Variants in TBC1D5 observed in about 807,000 individuals in gnomAD.
TBC1D5 encodes the protein TBC1 domain family, member 5.
Under a neutral mutation model 100.3 loss-of-function variants are expected in TBC1D5, and 75 were observed. The observed-to-expected ratio is 0.75, with a 90% confidence interval of 0.62 to 0.91. The LOEUF is 0.91. TBC1D5 is among the 40% of genes least tolerant of loss of function. The probability of loss-of-function intolerance (pLI) is 0.00; values close to 1 mark genes in which losing one functional copy is unlikely to be tolerated. For synonymous variants in TBC1D5, 323 were observed against 325.6 expected (o/e 0.99, Z 0.09); for missense variants, 910 against 942.4 (o/e 0.97, Z 0.45).
chr3:17,266,935 G>A (rs1322027298), intron 15 of TBC1D5, among the ~76,000 whole-genome samples: 1 of 151,572 alleles, frequency 6.6e-6, no homozygotes, highest in Non-Finnish European at 1.5e-5. Context: ...AAAAAAAAAG[G>A]AAGCAAAAAC....
At chr3:17,345,297 C>T (rs1367886236) in intron 13 of TBC1D5, among the ~76,000 whole-genome samples, 1 of 152,202 alleles carries the variant, frequency 6.6e-6, no homozygotes, top group Admixed American at 6.5e-5. Flanking sequence ...GACATTTATG[C>T]AGCCAAAAGA....
At chr3:17,472,947 C>A (rs1229310601) in intron 3 of TBC1D5, among the ~76,000 whole-genome samples, 1 of 152,178 alleles carries the variant, frequency 6.6e-6, no homozygotes, top group African/African-American at 2.4e-5. Context: ...AATTCACACA[C>A]TCAGTCATCT....
At chr3:17,308,032 A>C (rs1245262465) in exon 14 of TBC1D5, 1 of 1,608,790 alleles carries the variant, frequency 6.2e-7, no homozygotes, top group African/African-American at 1.3e-5. Context: ...CGAAGATATA[A>C]TCTACTAAAC....
At chr3:17,302,504 G>A (rs578086551) in intron 14 of TBC1D5, among the ~76,000 whole-genome samples, 2 of 152,196 alleles carry the variant, frequency 1.3e-5, no homozygotes, top group African/African-American at 2.4e-5. Context: ...AGCCCATAAT[G>A]GGCCTTATTA....
chr3:17,720,959 C>T (rs1456729407), intron 1 of TBC1D5, among the ~76,000 whole-genome samples: 1 of 151,934 alleles, frequency 6.6e-6, no homozygotes, highest in East Asian at 1.9e-4. Context: ...CCTGCCTCAG[C>T]CTTCCAAGTA....
In TBC1D5 at chr3:17,550,891, TTA is replaced by T. The variant is rs542641168; in HGVS notation, c.-35-42288_-35-42287del. On this transcript the variant is annotated intron_variant, in intron 2 of 21. Transcript: ENST00000253692. ...CCTGCAATAAAATGTGACTATAAAT[TTA>T]TGTCATGTTCACATGAAACTAAAAC... Among the ~76,000 whole-genome samples the T allele has an allele frequency of 1.1e-3, 163 of 152,232 alleles. 1 individual carries two copies. Among genetic ancestry groups the T allele is most frequent in the African/African-American group, 3.8e-3 (158 of 41,552 alleles).
intron 1 of TBC1D5, among the ~76,000 whole-genome samples, chr3:17,633,398 T>C (rs536912374): frequency 2.0e-5 from 3 of 152,222 alleles, no homozygotes; most frequent in African/African-American, 4.8e-5. Context: ...ATCACACCAC[T>C]GCACTACAGC....
chr3:17,239,033 G>C (rs1037155362), intron 16 of TBC1D5, among the ~76,000 whole-genome samples: 2 of 151,814 alleles, frequency 1.3e-5, no homozygotes, highest in African/African-American at 4.8e-5. Flanking sequence ...TATTTTTCTC[G>C]ATAGCACTTT....
intron 18 of TBC1D5, among the ~76,000 whole-genome samples, chr3:17,195,969 T>G (rs1454461565): frequency 6.6e-6 from 1 of 152,174 alleles, no homozygotes; most frequent in Non-Finnish European, 1.5e-5. Context: ...TGCTGAGAAA[T>G]GAAGCAACTT....
chr3:17,596,618 G>C (rs1485203851), intron 2 of TBC1D5, among the ~76,000 whole-genome samples: 1 of 145,646 alleles, frequency 6.9e-6, no homozygotes, highest in Non-Finnish European at 1.5e-5. Flanking sequence ...ACACCAGGTG[G>C]ATAATGGCTT....
intron 13 of TBC1D5, among the ~76,000 whole-genome samples, chr3:17,311,634 A>G (rs1340824121): frequency 1.3e-5 from 2 of 152,114 alleles, no homozygotes; most frequent in Non-Finnish European, 2.9e-5. Flanking sequence ...ACATAGCCTT[A>G]ATCCAACTTG....
chr3:17,529,010 T>C (rs1335472446), intron 2 of TBC1D5, among the ~76,000 whole-genome samples: 1 of 152,194 alleles, frequency 6.6e-6, no homozygotes, highest in African/African-American at 2.4e-5. Context: ...TTGAAGCCTC[T>C]GGACAAGAAC....
intron 18 of TBC1D5, among the ~76,000 whole-genome samples, chr3:17,190,995 A>G (rs1407063236): frequency 6.6e-6 from 1 of 152,214 alleles, no homozygotes; most frequent in Non-Finnish European, 1.5e-5. Flanking sequence ...GGTGTACACA[A>G]GGGCAAAACA....
intron 13 of TBC1D5, among the ~76,000 whole-genome samples, chr3:17,363,414 A>C (rs1370347077): frequency 6.6e-6 from 1 of 151,992 alleles, no homozygotes; most frequent in Non-Finnish European, 1.5e-5. Context: ...AATCTAAATG[A>C]AAATTATATT....
At chr3:17,595,926 G>T (rs189063621) in intron 2 of TBC1D5, among the ~76,000 whole-genome samples, 1 of 152,176 alleles carries the variant, frequency 6.6e-6, no homozygotes, top group Non-Finnish European at 1.5e-5. Flanking sequence ...ATTCTGACAC[G>T]ATACATAGGG....
chr3:17,277,169 T>G (rs2080106278), intron 15 of TBC1D5, among the ~76,000 whole-genome samples: 1 of 152,208 alleles, frequency 6.6e-6, no homozygotes, highest in Non-Finnish European at 1.5e-5. Flanking sequence ...CATATTTTAT[T>G]CTCAAGAAGA....
rs866448739 is a variant in TBC1D5, at chr3:17,210,275, C to T, written c.1752+3932G>A. On this transcript the variant is annotated intron_variant, in intron 18 of 21. Transcript: ENST00000253692. ...CGATCTCGGCTCAATGCAACCTCCA[C>T]CTCCTGGGTTCAAGTGATTCTCCTG... Among the ~76,000 whole-genome samples, 123 of 151,986 alleles carry T rather than the reference C, an allele frequency of 8.1e-4. 1 individual carries two copies. The highest frequency in any genetic ancestry group is 2.9e-3 in the African/African-American group (120 of 41,440).
intron 2 of TBC1D5, among the ~76,000 whole-genome samples, chr3:17,510,143 G>T (rs1430057965): frequency 6.6e-6 from 1 of 151,970 alleles, no homozygotes. Context: ...CAAACAAAAT[G>T]AGTATCTAAT....
intron 15 of TBC1D5, among the ~76,000 whole-genome samples, chr3:17,263,613 T>C (rs1559512467): frequency 6.6e-6 from 1 of 152,124 alleles, no homozygotes; most frequent in African/African-American, 2.4e-5. Context: ...CATTTTATTT[T>C]ATAGCAATAT....
Sources: allele counts gnomAD v4.1 joint callset (sites outside exome capture counted in the v4.1 genomes callset), GRCh38; gene constraint gnomAD v4.1.1; transcripts MANE v1.5; gene names NCBI Gene and HGNC (gene_info 2026-07-23, HGNC 2026-07-21).